The following SYNE2 variants were observed in gnomAD, a reference collection of about 807,000 sequenced individuals.
The protein encoded by SYNE2 is nesprin-2.
Under a neutral mutation model 856.3 loss-of-function variants are expected in SYNE2, and 431 were observed. That is an observed-to-expected ratio of 0.50 (90% CI 0.47 to 0.55). SYNE2 has a LOEUF of 0.55. Among genes scored for constraint, SYNE2 ranks in the 20% least tolerant of loss-of-function variants. The pLI is 0.00. For synonymous variants in SYNE2, 2,923 were observed against 2,872.3 expected, an observed-to-expected ratio of 1.02 and a Z score of -0.56; for missense variants, 8,129 against 8,023.2, an observed-to-expected ratio of 1.01 and a Z score of -0.50.
chr14:64,049,689 ACTG>A lies in SYNE2; in HGVS notation c.7457_7459del (p.Thr2486_Gly2487delinsArg), dbSNP rs775671986. 1.4e-5 allele frequency: 22 copies of A among 1,614,020 alleles called. No individual in the cohort carries two copies. The African/African-American group carries it at 2.0e-4, about 15-fold the overall frequency. ...AACAGAATGTCTTAACAAAACAGAA[ACTG>A]GGGCCTTGGTTCTCCACAATATAGG... On this transcript the variant is annotated inframe_deletion, in exon 47 of 116. Transcript: ENST00000555002.
At chr14:63,878,957 C>T (rs2094793692) in intron 1 of SYNE2, among the ~76,000 whole-genome samples, 1 of 152,178 alleles carries the variant, frequency 6.6e-6, no homozygotes, top group Non-Finnish European at 1.5e-5. Flanking sequence ...GTGGCTCATG[C>T]CTTGATCCCA....
chr14:63,779,147 C>A (rs1887216453), intron 1 of SYNE2, among the ~76,000 whole-genome samples: 1 of 151,182 alleles, frequency 6.6e-6, no homozygotes, highest in Non-Finnish European at 1.5e-5. Flanking sequence ...TGGTGAAACC[C>A]CATTTCTACT....
chr14:64,181,663 G>A (rs1037499983), intron 96 of SYNE2, among the ~76,000 whole-genome samples: 3 of 152,100 alleles, frequency 2.0e-5, no homozygotes, highest in Non-Finnish European at 4.4e-5. Context: ...GGGGAAATAC[G>A]CTAGCCACTT....
At position 63,762,509 on chromosome 14, in the gene SYNE2, C is replaced by A. The variant is rs114938024; in HGVS notation, c.-305+523C>A. On this transcript the variant is annotated intron_variant, in intron 1 of 23. Coordinates refer to the SYNE2 transcript ENST00000674003. The stretch of plus-strand genomic sequence containing the variant: ...TATCAAGAACTTTTTTTTTTTTGGA[C>A]AATTCAGGAAACTAGAATGGACTGG... Among the ~76,000 whole-genome samples the A allele has an allele frequency of 2.9e-3, 394 of 137,122 alleles. 2 individuals carry two copies. The highest frequency in any genetic ancestry group is 9.9e-3 in the African/African-American group (363 of 36,570). 90.0% of individuals were successfully genotyped at this position (137,122 alleles called of 152,430 possible). A position where few individuals can be genotyped will look rare whatever the true frequency, so the allele number is the denominator to read the frequency against.
At chr14:64,162,319 C>T (rs1213625421) in intron 88 of SYNE2, 43 bp downstream of exon 88, 2 of 1,592,730 alleles carry the variant, frequency 1.3e-6, no homozygotes, top group East Asian at 4.5e-5. Context: ...CAAGTCAGCC[C>T]AACAGATGGG....
rs368436630 is a variant in SYNE2 at position 63,954,128 on chromosome 14, C to A, written c.591-591C>A. On this transcript the variant is annotated intron_variant, in intron 7 of 115. Coordinates refer to ENST00000555002, the MANE Select transcript of SYNE2 (RefSeq NM_182914.3). ...GAATAATATTCATTGTATGTATATACCACATTTTGTTTATCCATTCATCTG... is the reference window on the plus strand; with the variant it reads ...GAATAATATTCATTGTATGTATATAACACATTTTGTTTATCCATTCATCTG... Among the ~76,000 whole-genome samples, 584 of 152,234 alleles carry A rather than the reference C, an allele frequency of 3.8e-3. 6 individuals carry two copies. The highest frequency in any genetic ancestry group is 0.014 in the Middle Eastern group (4 of 294).
At chr14:64,019,163 T>C (rs2096917287) in intron 34 of SYNE2, among the ~76,000 whole-genome samples, 1 of 151,560 alleles carries the variant, frequency 6.6e-6, no homozygotes, top group African/African-American at 2.4e-5. Flanking sequence ...ATCCCAGCTA[T>C]ATGGGAGGCT....
At chr14:64,038,300 C>G (rs555176313) in intron 45 of SYNE2, among the ~76,000 whole-genome samples, 8 of 151,880 alleles carry the variant, frequency 5.3e-5, no homozygotes, top group African/African-American at 1.9e-4. Context: ...CGGGAAGAGG[C>G]GCTCCTCACT....
At chr14:64,131,916 C>CT (rs1436851552) in intron 76 of SYNE2, among the ~76,000 whole-genome samples, 2 of 133,434 alleles carry the variant, frequency 1.5e-5, no homozygotes, top group African/African-American at 3.8e-5. Flanking sequence ...TGTTCAAAGA[C>CT]TGAGTTTTTT....
intron 88 of SYNE2, 187 bp downstream of exon 88, chr14:64,162,463 G>C (rs879224155): frequency 2.4e-5 from 16 of 670,732 alleles, no homozygotes; most frequent in South Asian, 2.4e-4. Flanking sequence ...TGACGTCTAG[G>C]CAGCAAATAG....
chr14:64,127,261 A>G (rs1168122832), intron 73 of SYNE2, among the ~76,000 whole-genome samples: 9 of 145,316 alleles, frequency 6.2e-5, no homozygotes, highest in African/African-American at 2.0e-4. Flanking sequence ...ACTCCATCTC[A>G]AAAAAAAAAA....
At chr14:63,920,737 T>A (rs1486385928) in intron 2 of SYNE2, among the ~76,000 whole-genome samples, 1 of 151,302 alleles carries the variant, frequency 6.6e-6, no homozygotes, top group East Asian at 2.0e-4. Flanking sequence ...GAGAAATAGG[T>A]GTTCAAGAGA....
At chr14:63,800,945 AC>A (rs1388184815) in intron 1 of SYNE2, among the ~76,000 whole-genome samples, 1 of 152,184 alleles carries the variant, frequency 6.6e-6, no homozygotes, top group Non-Finnish European at 1.5e-5. Context: ...CTTCACAGGG[AC>A]CCCCAAACCT....
chr14:64,086,219 T>G (rs1466443089), intron 57 of SYNE2, among the ~76,000 whole-genome samples: 2 of 152,242 alleles, frequency 1.3e-5, no homozygotes, highest in Non-Finnish European at 2.9e-5. Context: ...AGTTCTTTTT[T>G]TCCATGGGGA....
intron 12 of SYNE2, 115 bp from the exon 13 acceptor site, chr14:63,977,790 G>A: frequency 1.3e-6 from 1 of 757,612 alleles, no homozygotes; most frequent in South Asian, 1.5e-5. Flanking sequence ...TGGGTTGTGG[G>A]GAGGGTTTTA....
chr14:64,107,570 G>T lies in SYNE2; in HGVS notation c.12572G>T (p.Gly4191Val), dbSNP rs145227848. 6.2e-7 allele frequency: 1 copy of T among 1,614,044 alleles called. No individual in the cohort carries two copies. Among genetic ancestry groups the T allele is most frequent in the Non-Finnish European group, 8.5e-7 (1 of 1,180,016 alleles). Residue 4191 changes from glycine (G) to valine (V), a missense_variant, in exon 65 of 116, where the codon GGC becomes GTC. Gly to Val is a moderately radical substitution (Grantham distance 109). Around this residue, in one of 3 missense-constraint regions of SYNE2, gnomAD observed 5,410 missense variants for 5,284.8 expected, o/e 1.02. Transcript: ENST00000555002. ...LTPDSLNTEQ[G>V]PECSLRPNQT... ...CCAGACTCACTAAACACTGAGCAAGGCCCAGAATGTTCCCTAAGGCCCAAC... is the reference window on the plus strand; with the variant it reads ...CCAGACTCACTAAACACTGAGCAAGTCCCAGAATGTTCCCTAAGGCCCAAC...
intron 52 of SYNE2, 135 bp downstream of exon 52, chr14:64,071,045 G>T (rs2153599874): frequency 2.4e-6 from 2 of 843,782 alleles, no homozygotes; most frequent in South Asian, 3.4e-5. Flanking sequence ...GTATAAAAAG[G>T]GATGGAACAG....
intron 1 of SYNE2, among the ~76,000 whole-genome samples, chr14:63,797,178 CCT>C (rs1235013552): frequency 2.0e-5 from 3 of 151,512 alleles, no homozygotes; most frequent in African/African-American, 4.8e-5. Context: ...GGGCAGATCA[CCT>C]GAGGCCAGGA....
chr14:63,884,930 G>A (rs570028742), intron 1 of SYNE2, among the ~76,000 whole-genome samples: 21 of 152,046 alleles, frequency 1.4e-4, no homozygotes, highest in Non-Finnish European at 2.1e-4. Context: ...AGGAGCCACC[G>A]CACCCGGCCG....
Sources: allele counts gnomAD v4.1 joint callset (sites outside exome capture counted in the v4.1 genomes callset), GRCh38; gene constraint gnomAD v4.1.1; regional missense constraint gnomAD v4.1.1; transcripts MANE v1.5; gene names NCBI Gene and HGNC (gene_info 2026-07-23, HGNC 2026-07-21).